Variants in QTMAN observed in about 807,000 individuals in gnomAD.
QTMAN encodes tRNA-queuosine alpha-mannosyltransferase.
the QTMAN span, among the ~76,000 whole-genome samples, chr2:144,046,749 C>G: frequency 6.6e-6 from 1 of 152,156 alleles, no homozygotes; most frequent in East Asian, 1.9e-4. Context: ...TCATTGTTGT[C>G]TCTTTACATT....
the QTMAN span, among the ~76,000 whole-genome samples, chr2:144,251,719 T>C: frequency 1.3e-5 from 2 of 152,030 alleles, no homozygotes; most frequent in African/African-American, 2.4e-5. Flanking sequence ...AAAAAAAAAG[T>C]TGTTAAGCTC....
At chr2:144,073,174 C>T in the QTMAN span, among the ~76,000 whole-genome samples, 15 of 151,636 alleles carry the variant, frequency 9.9e-5, no homozygotes, top group Admixed American at 8.5e-4. Flanking sequence ...TATATTGTCA[C>T]CCAACATACT....
the QTMAN span, among the ~76,000 whole-genome samples, chr2:144,000,565 T>C: frequency 6.6e-6 from 1 of 152,092 alleles, no homozygotes; most frequent in African/African-American, 2.4e-5. Flanking sequence ...TTGGTCATTA[T>C]TCCTACTCAA....
At chr2:144,210,755 G>A in the QTMAN span, 1 of 152,052 alleles carries the variant, frequency 6.6e-6, no homozygotes, top group East Asian at 1.9e-4. Context: ...ACAATAAAAG[G>A]CAATTTTGAA....
At chr2:144,231,839 A>AAG in the QTMAN span, among the ~76,000 whole-genome samples, 2 of 130,894 alleles carry the variant, frequency 1.5e-5, no homozygotes, top group African/African-American at 5.6e-5. Flanking sequence ...CACAGAATGA[A>AAG]AGAGGTGTGT....
At chr2:144,161,860 T>C in the QTMAN span, among the ~76,000 whole-genome samples, 1 of 152,200 alleles carries the variant, frequency 6.6e-6, no homozygotes, top group Non-Finnish European at 1.5e-5. Context: ...ATAAATGGGG[T>C]AAGGCAAAGA....
the QTMAN span, among the ~76,000 whole-genome samples, chr2:143,975,813 G>A: frequency 6.6e-6 from 1 of 152,190 alleles, no homozygotes; most frequent in African/African-American, 2.4e-5. Context: ...TAAACATGCA[G>A]CAGACTTTGA....
the QTMAN span, among the ~76,000 whole-genome samples, chr2:144,258,051 T>C: frequency 6.6e-6 from 1 of 151,314 alleles, no homozygotes; most frequent in Non-Finnish European, 1.5e-5. Flanking sequence ...AAATCATAGA[T>C]TAAAGCCACC....
At chr2:144,153,670 G>A in the QTMAN span, among the ~76,000 whole-genome samples, 1 of 152,150 alleles carries the variant, frequency 6.6e-6, no homozygotes, top group Non-Finnish European at 1.5e-5. Context: ...CAGCCTGGGC[G>A]ACAGAGAGAG....
At chr2:144,282,097 G>A in the QTMAN span, among the ~76,000 whole-genome samples, 4 of 152,130 alleles carry the variant, frequency 2.6e-5, no homozygotes, top group Non-Finnish European at 5.9e-5. Flanking sequence ...TACCAAGCAC[G>A]GAAGGACCCT....
chr2:144,309,108 A>G, the QTMAN span, among the ~76,000 whole-genome samples: 97 of 152,360 alleles, frequency 6.4e-4, 1 homozygote, highest in Non-Finnish European at 1.1e-3. Context: ...ATTTAAAAGA[A>G]TTATACCAAG....
At chr2:144,317,418 G>GAAGGAAGT in the QTMAN span, 3 of 151,818 alleles carry the variant, frequency 2.0e-5, no homozygotes, top group East Asian at 5.8e-4. Context: ...AGGAAGGAAG[G>GAAGGAAGT]AAGGAAGGAA....
the QTMAN span, among the ~76,000 whole-genome samples, chr2:144,233,852 TGA>T: frequency 6.6e-6 from 1 of 152,082 alleles, no homozygotes; most frequent in African/African-American, 2.4e-5. Flanking sequence ...AAAAACCATG[TGA>T]GAGATTAACA....
At chr2:144,083,126 C>G in the QTMAN span, among the ~76,000 whole-genome samples, 3 of 152,182 alleles carry the variant, frequency 2.0e-5, no homozygotes, top group Admixed American at 6.5e-5. Flanking sequence ...GACTAAATGA[C>G]AAGAATGGCA....
At chr2:144,311,290 T>TA in the QTMAN span, among the ~76,000 whole-genome samples, 2 of 152,210 alleles carry the variant, frequency 1.3e-5, no homozygotes, top group African/African-American at 4.8e-5. Flanking sequence ...TTAGGATATG[T>TA]AAAAATCATC....
At chr2:144,118,347 C>T in the QTMAN span, among the ~76,000 whole-genome samples, 3 of 152,252 alleles carry the variant, frequency 2.0e-5, no homozygotes, top group Middle Eastern at 6.8e-3. Context: ...ATCAGTTCCC[C>T]TTATGAGTTC....
the QTMAN span, among the ~76,000 whole-genome samples, chr2:143,956,989 G>A: frequency 5.9e-5 from 9 of 152,060 alleles, no homozygotes; most frequent in Middle Eastern, 3.2e-3. Context: ...GCCTTTATAC[G>A]ATTGTATGTG....
the QTMAN span, among the ~76,000 whole-genome samples, chr2:144,290,973 G>C: frequency 1.3e-5 from 2 of 152,192 alleles, no homozygotes; most frequent in Non-Finnish European, 2.9e-5. Context: ...AAAGATCAAG[G>C]TGTCGGCAGG....
At chr2:144,324,013 A>G in the QTMAN span, among the ~76,000 whole-genome samples, 1 of 152,120 alleles carries the variant, frequency 6.6e-6, no homozygotes, top group Non-Finnish European at 1.5e-5. Flanking sequence ...TATTGTCCTT[A>G]TTACCCTTTA....
Sources: gnomAD v4.1 joint callset for allele counts (sites outside exome capture counted in the v4.1 genomes callset) on GRCh38, gnomAD v4.1.1 for gene constraint, MANE v1.5 for transcripts, NCBI Gene and HGNC (gene_info 2026-07-23, HGNC 2026-07-21) for gene names.